PZP: variants seen among roughly 807,000 people sequenced by gnomAD.
The protein encoded by PZP is PZP alpha-2-macroglobulin like.
Under a neutral mutation model 179.8 loss-of-function variants are expected in PZP, and 150 were observed. The observed-to-expected ratio is 0.83, with a 90% confidence interval of 0.73 to 0.96. The LOEUF (loss-of-function observed/expected upper bound fraction) is 0.96, where lower values mean the gene tolerates loss of function less well. Among genes scored for constraint, PZP ranks in the 40% least tolerant of loss-of-function variants. The pLI is 0.00. For missense variants in PZP, 1,689 were observed against 1,764.0 expected (o/e 0.96, Z 0.76); for synonymous variants, 624 against 652.3 (o/e 0.96, Z 0.66).
At chr12:9,157,670 C>A in intron 27 of PZP, 97 bp downstream of exon 27, 2 of 1,130,262 alleles carry the variant, frequency 1.8e-6, no homozygotes, top group South Asian at 2.8e-5. Flanking sequence ...CATCATTGAA[C>A]CAAAAGATAC....
At chr12:9,174,434 C>A (rs1226757925) in intron 15 of PZP, among the ~76,000 whole-genome samples, 1 of 152,168 alleles carries the variant, frequency 6.6e-6, no homozygotes, top group African/African-American at 2.4e-5. Context: ...CCCTCTCTCA[C>A]CACTCCCATT....
chr12:9,151,776 G>T, intron 32 of PZP, 104 bp from the exon 33 acceptor site: 1 of 871,686 alleles, frequency 1.1e-6, no homozygotes, highest in South Asian at 1.7e-5. Context: ...ATTCTCTGAA[G>T]AGAAGAAAGC....
chr12:9,157,304 CT>C lies in PZP; in HGVS notation c.3420del (p.Ala1141GlnfsTer33). ...ALFCLESAWN[V>X]AKEGTHGSHV... ...TGGCTCCCATGGGTCCCCTCCTTTG[CT>C]ACATTCCAGGCTGACTCCAGGCAGA... On this transcript the variant is annotated frameshift_variant, in exon 28 of 36. Transcript: ENST00000261336. LOFTEE classifies it high-confidence loss of function. The C allele has an allele frequency of 2.5e-6, 4 of 1,614,058 alleles. No homozygotes were observed. Among genetic ancestry groups the C allele is most frequent in the Non-Finnish European group, 3.4e-6 (4 of 1,179,952 alleles).
chr12:9,164,183 C>G lies in PZP; in HGVS notation c.2564G>C (p.Cys855Ser). Reference protein sequence around the residue: ...NTKGEESYCICGNERQTLSWT... With the variant: ...NTKGEESYCISGNERQTLSWT... ...AGACAAGGTTTGTCTCTCATTTCCA[C>G]AGATACAATAGGATTCTTCTCCCTT... The change falls in exon 20 of 36, where the codon TGT becomes TCT. Residue 855 changes from cysteine (C) to serine (S), a missense_variant. Cys to Ser is a moderately radical substitution (Grantham distance 112). Around this residue, in one of 3 missense-constraint regions of PZP, gnomAD observed 746 missense variants for 749.2 expected, o/e 1.00. Transcript: ENST00000261336. The G allele has an allele frequency of 6.2e-7, 1 of 1,609,970 alleles. No homozygotes were observed. The highest frequency in any genetic ancestry group is 8.5e-7 in the Non-Finnish European group (1 of 1,176,210).
At chr12:9,137,271 T>C in the PZP span, among the ~76,000 whole-genome samples, 1 of 152,164 alleles carries the variant, frequency 6.6e-6, no homozygotes, top group African/African-American at 2.4e-5. Flanking sequence ...CTCCACACCA[T>C]TTGTTGAAGG....
intron 1 of PZP, among the ~76,000 whole-genome samples, chr12:9,207,939 A>G (rs186739316): frequency 6.6e-6 from 1 of 152,322 alleles, no homozygotes; most frequent in East Asian, 1.9e-4. Context: ...GTTGCACTTC[A>G]CTATATATTT....
Position 9,201,349 on chromosome 12 carries a change from T to C in PZP, c.481-2A>G, listed in dbSNP as rs1242891682. 1.3e-6 allele frequency: 2 copies of C among 1,557,850 alleles called. No individual in the cohort carries two copies. Among genetic ancestry groups the C allele is most frequent in the African/African-American group, 1.4e-5 (1 of 73,250 alleles). On this transcript the variant is annotated splice_acceptor_variant, in intron 4 of 35. Coordinates refer to ENST00000261336, the MANE Select transcript of PZP (RefSeq NM_002864.3). LOFTEE classifies it high-confidence loss of function. ...TACCTCAAGGTATATCAGTGGAATC[T>C]ATATGATAAAAGGAAAGAAGAGATG...
chr12:9,156,416 G>A (rs1262966181), intron 28 of PZP: 1 of 157,756 alleles, frequency 6.3e-6, no homozygotes, highest in Non-Finnish European at 1.4e-5. Flanking sequence ...TGGCTGATGA[G>A]ATCCTGGTAG....
At position 9,192,336 on chromosome 12, in the gene PZP, C is replaced by G. The variant is rs1943505956; in HGVS notation, c.1483-80G>C. 1.1e-5 allele frequency: 16 copies of G among 1,422,662 alleles called. No homozygotes were observed. The South Asian group carries it at 1.8e-4, about 16-fold the overall frequency. 88.1% of individuals were successfully genotyped at this position (1,422,662 alleles called of 1,614,324 possible). A position where few individuals can be genotyped will look rare whatever the true frequency, so the allele number is the denominator to read the frequency against. The stretch of plus-strand genomic sequence containing the variant: ...TTCTATTCCCCACATGACCCACTTT[C>G]AGTTGTCAAGTCTGTGCTGGAGAGA... On this transcript the variant is annotated intron_variant, in intron 12 of 35. Transcript: ENST00000261336.
chr12:9,143,367 A>G, the PZP span, among the ~76,000 whole-genome samples: 1 of 152,116 alleles, frequency 6.6e-6, no homozygotes, highest in Non-Finnish European at 1.5e-5. Flanking sequence ...CAGGTGGAGA[A>G]GGAGGAAGAG....
At chr12:9,196,538 G>C (rs777169028) in intron 9 of PZP, 33 bp downstream of exon 9, 2 of 1,575,242 alleles carry the variant, frequency 1.3e-6, no homozygotes, top group Admixed American at 3.3e-5. Flanking sequence ...GTAAACTATT[G>C]TTTTATTTCC....
chr12:9,196,800 T>C (rs1376260641), intron 8 of PZP, 115 bp from the exon 9 acceptor site: 1 of 902,064 alleles, frequency 1.1e-6, no homozygotes, highest in East Asian at 2.5e-5. Flanking sequence ...AGTAAGTTAA[T>C]TGACCTTCGA....
chr12:9,185,480 T>A (rs1302264531), intron 13 of PZP, among the ~76,000 whole-genome samples: 1 of 152,180 alleles, frequency 6.6e-6, no homozygotes, highest in Admixed American at 6.5e-5. Flanking sequence ...TTGAAAGAGA[T>A]GAGCATAATG....
At chr12:9,192,834 C>T in intron 11 of PZP, 95 bp from the exon 12 acceptor site, 1 of 767,364 alleles carries the variant, frequency 1.3e-6, no homozygotes. Context: ...GTCTTCCACT[C>T]TAAAATACAC....
At chr12:9,141,489 A>G in the PZP span, among the ~76,000 whole-genome samples, 36 of 152,316 alleles carry the variant, frequency 2.4e-4, no homozygotes, top group South Asian at 7.5e-3. Flanking sequence ...AGAGAAACCA[A>G]ACCCACTGTG....
At chr12:9,150,194 T>C (rs976998946) in intron 34 of PZP, among the ~76,000 whole-genome samples, 1 of 152,264 alleles carries the variant, frequency 6.6e-6, no homozygotes, top group African/African-American at 2.4e-5. Flanking sequence ...GCAGTGACTA[T>C]ATATTATCAT....
the PZP span, among the ~76,000 whole-genome samples, chr12:9,143,493 A>T: frequency 6.6e-6 from 1 of 152,060 alleles, no homozygotes; most frequent in Admixed American, 6.5e-5. Flanking sequence ...TTTAGAAGGA[A>T]GGAATTTCAG....
At chr12:9,176,554 T>C (rs75908781) in intron 15 of PZP, among the ~76,000 whole-genome samples, 12,628 of 152,300 alleles carry the variant, frequency 0.083, 721 homozygotes, top group African/African-American at 0.16. Context: ...TATGCCATTA[T>C]ATTGGATAGA....
chr12:9,158,429 A>T lies in PZP; in HGVS notation c.3285T>A (p.Asn1095Lys), dbSNP rs35040316. 10 of 1,613,946 alleles carry T rather than the reference A, an allele frequency of 6.2e-6. No homozygotes were observed. Among genetic ancestry groups the T allele is most frequent in the Non-Finnish European group, 8.5e-6 (10 of 1,179,948 alleles). Residue 1095 changes from asparagine to lysine, a missense_variant, in exon 26 of 36, where the codon AAT becomes AAA. Physicochemically the swap from Asn to Lys is moderately conservative, Grantham distance 94. Coordinates refer to ENST00000261336, the MANE Select transcript of PZP (RefSeq NM_002864.3). ...CFRSSGSLLN[N>K]AIKGGVEDEA... ...TTGTGGAACAGTTCACCTTTATGGCATTGTTGAGCAGTGACCCAGAGCTCC... is the reference window on the plus strand; with the variant it reads ...TTGTGGAACAGTTCACCTTTATGGCTTTGTTGAGCAGTGACCCAGAGCTCC...
Sources: gnomAD v4.1 joint callset for allele counts (sites outside exome capture counted in the v4.1 genomes callset) on GRCh38, gnomAD v4.1.1 for gene constraint, gnomAD v4.1.1 regional missense constraint, MANE v1.5 for transcripts, NCBI Gene and HGNC (gene_info 2026-07-23, HGNC 2026-07-21) for gene names.